ARPP21: variants seen among roughly 807,000 people sequenced by gnomAD.
The protein encoded by ARPP21 is cAMP regulated phosphoprotein 21, also known as cAMP-regulated phosphoprotein 21.
A neutral mutation model predicts 113.2 loss-of-function variants in ARPP21; 69 were observed. The ratio of observed to expected loss-of-function variants is 0.61; its 90% confidence interval spans 0.50 to 0.74. ARPP21 has a LOEUF of 0.74. Among genes scored for constraint, ARPP21 ranks in the 30% least tolerant of loss-of-function variants. The pLI is 0.00. For synonymous variants in ARPP21, 368 were observed against 375.5 expected (o/e 0.98, Z 0.23); for missense variants, 1,070 against 1,037.4 (o/e 1.03, Z -0.43).
rs1262199513 is a variant in ARPP21 at position 35,667,891 on chromosome 3, G to GAAGAAGAAGAAGAAGAA, written c.-212-11896_-212-11895insAAGAAGAAGAAGAAGAA. Among the ~76,000 whole-genome samples, 277 of 71,220 alleles carry GAAGAAGAAGAAGAAGAA rather than the reference G, an allele frequency of 3.9e-3. 3 individuals are homozygous for GAAGAAGAAGAAGAAGAA. Among genetic ancestry groups the GAAGAAGAAGAAGAAGAA allele is most frequent in the Middle Eastern group, 0.014 (2 of 148 alleles). 46.7% of individuals were successfully genotyped at this position (71,220 alleles called of 152,430 possible). The stretch of plus-strand genomic sequence containing the variant: ...AAGAAGAAGAAGAAGAAGAAGAAGA[G>GAAGAAGAAGAAGAAGAA]GAAGAGGAAGAGGAAGAGGAAGGAG... On this transcript the variant is annotated intron_variant, in intron 1 of 20. Coordinates refer to ENST00000684406, the MANE Select transcript of ARPP21 (RefSeq NM_001385562.1).
In ARPP21 at chr3:35,737,158, A is replaced by G; in HGVS notation, c.1460-20A>G. ...AGAGATTGAGAAGCTTACCTGGACT[A>G]AGTTCTGATTCCATTGCAGGCCAGC... is the stretch of plus-strand genomic sequence containing the variant. On this transcript the variant is annotated intron_variant, in intron 15 of 20. Transcript: ENST00000684406. 3.3e-6 allele frequency: 5 copies of G among 1,511,346 alleles called. No individual in the cohort carries two copies. Among genetic ancestry groups the G allele is most frequent in the Non-Finnish European group, 4.6e-6 (5 of 1,093,126 alleles). The allele number at this position is 1,511,346 out of a possible 1,614,324, so 93.6% of individuals were successfully genotyped here. A position where few individuals can be genotyped will look rare whatever the true frequency, so the allele number is the denominator to read the frequency against.
intron 19 of ARPP21, among the ~76,000 whole-genome samples, chr3:35,770,884 A>C (rs1412582277): frequency 6.6e-6 from 1 of 152,188 alleles, no homozygotes; most frequent in Non-Finnish European, 1.5e-5. Context: ...TTGGTGCAAC[A>C]AATAGAATGA....
chr3:35,754,763 C>T (rs188053461), intron 19 of ARPP21, among the ~76,000 whole-genome samples: 46 of 151,994 alleles, frequency 3.0e-4, no homozygotes, highest in African/African-American at 1.1e-3. Flanking sequence ...GCAGTAATTG[C>T]TTTAGCACTT....
chr3:35,725,443 T>C (rs2093453437), intron 14 of ARPP21, among the ~76,000 whole-genome samples: 1 of 152,190 alleles, frequency 6.6e-6, no homozygotes, highest in South Asian at 2.1e-4. Flanking sequence ...TTCCTTACCA[T>C]TGCTCACCAT....
chr3:35,739,808 G>A lies in ARPP21; in HGVS notation c.2010+231G>A, dbSNP rs142820619. 5.2e-3 allele frequency among the ~76,000 whole-genome samples: 797 copies of A among 152,230 alleles called. 6 individuals carry two copies. The highest frequency in any genetic ancestry group is 7.1e-3 in the Non-Finnish European group (480 of 68,004). ...ATCCAACTGCCCATGAAAACAACAG[G>A]GGAATATCCCATTTTCCAGGCTGCT... On this transcript the variant is annotated intron_variant, in intron 18 of 20. Transcript: ENST00000684406.
At position 35,779,744 on chromosome 3, in the gene ARPP21, A is replaced by T. The variant is rs541170800; in HGVS notation, c.2138-12638A>T. Among the ~76,000 whole-genome samples the T allele has an allele frequency of 2.4e-4, 36 of 152,312 alleles. 1 individual carries two copies. The highest frequency in any genetic ancestry group is 8.2e-4 in the African/African-American group (34 of 41,568). On this transcript the variant is annotated intron_variant, in intron 19 of 20. Transcript: ENST00000684406. The stretch of plus-strand genomic sequence containing the variant: ...AACTCACATTTACAACCTAAAAAAC[A>T]TCAGGCTATAAGAATCTCATCTTGT...
At chr3:35,710,456 T>A (rs2090702463) in intron 11 of ARPP21, among the ~76,000 whole-genome samples, 1 of 151,982 alleles carries the variant, frequency 6.6e-6, no homozygotes, top group Non-Finnish European at 1.5e-5. Flanking sequence ...TCTGAAGACC[T>A]TCATAGAGCT....
intron 11 of ARPP21, among the ~76,000 whole-genome samples, chr3:35,713,844 A>G (rs934010093): frequency 1.3e-5 from 2 of 152,192 alleles, no homozygotes; most frequent in African/African-American, 2.4e-5. Flanking sequence ...AATAATTCCA[A>G]TATCCAGACA....
At chr3:35,758,632 C>A (rs2095656368) in intron 19 of ARPP21, among the ~76,000 whole-genome samples, 1 of 151,942 alleles carries the variant, frequency 6.6e-6, no homozygotes, top group Admixed American at 6.6e-5. Context: ...TCCCCAGCAC[C>A]CTTCAGCCCT....
intron 14 of ARPP21, among the ~76,000 whole-genome samples, chr3:35,726,630 G>C (rs183215920): frequency 6.6e-6 from 1 of 152,162 alleles, no homozygotes; most frequent in East Asian, 1.9e-4. Context: ...TTGTAAATCA[G>C]TGATTAATGG....
chr3:35,690,955 G>GGT lies in ARPP21; in HGVS notation c.637_638insTG (p.Asp213ValfsTer27). ...CTTATTTTGGATTGGATCACAATGT[G>GGT]GATCAAACAGGAAAATCTGTTATCA... On this transcript the variant is annotated frameshift_variant, in exon 9 of 21. Transcript: ENST00000684406. LOFTEE classifies it high-confidence loss of function. 1 of 1,610,494 alleles carries GGT rather than the reference G, an allele frequency of 6.2e-7. No individual in the cohort carries two copies. The highest frequency in any genetic ancestry group is 8.5e-7 in the Non-Finnish European group (1 of 1,177,796).
At chr3:35,666,559 T>C (rs1308482984) in intron 1 of ARPP21, among the ~76,000 whole-genome samples, 1 of 152,142 alleles carries the variant, frequency 6.6e-6, no homozygotes, top group African/African-American at 2.4e-5. Context: ...AGGTGTAGGG[T>C]TTTTATTTTA....
chr3:35,722,435 A>G (rs1358002126), intron 14 of ARPP21, among the ~76,000 whole-genome samples: 1 of 152,236 alleles, frequency 6.6e-6, no homozygotes, highest in Non-Finnish European at 1.5e-5. Context: ...TAGAAATATT[A>G]TGAAGACTGA....
chr3:35,762,136 A>T (rs1279089858), intron 19 of ARPP21, among the ~76,000 whole-genome samples: 55 of 147,492 alleles, frequency 3.7e-4, no homozygotes, highest in Admixed American at 8.0e-4. Context: ...TCACACACAC[A>T]CACACACACA....
chr3:35,776,685 A>G (rs981707727), intron 19 of ARPP21, among the ~76,000 whole-genome samples: 4 of 152,186 alleles, frequency 2.6e-5, no homozygotes, highest in African/African-American at 7.2e-5. Context: ...TATTCCTTAT[A>G]TGAGGACAAG....
chr3:35,779,266 C>T (rs1213181769), intron 19 of ARPP21, among the ~76,000 whole-genome samples: 1 of 152,088 alleles, frequency 6.6e-6, no homozygotes, highest in Non-Finnish European at 1.5e-5. Context: ...GGCTTTTTCT[C>T]CCAATTATGA....
intron 14 of ARPP21, among the ~76,000 whole-genome samples, chr3:35,723,061 T>C (rs1425819356): frequency 6.6e-6 from 1 of 152,152 alleles, no homozygotes; most frequent in East Asian, 1.9e-4. Flanking sequence ...TTCTGTTGTA[T>C]GCTCTGGGTG....
intron 17 of ARPP21, 92 bp from the exon 18 acceptor site, chr3:35,739,225 C>A: frequency 1.4e-6 from 2 of 1,444,754 alleles, no homozygotes; most frequent in African/African-American, 1.4e-5. Flanking sequence ...TCTCCCACAA[C>A]TCCAAGAATG....
At chr3:35,661,032 AC>A (rs1707544021) in intron 1 of ARPP21, among the ~76,000 whole-genome samples, 1 of 152,172 alleles carries the variant, frequency 6.6e-6, no homozygotes, top group Non-Finnish European at 1.5e-5. Flanking sequence ...TTTGCATCTC[AC>A]AATTTTTAGC....
Sources: gnomAD v4.1 joint callset for allele counts (sites outside exome capture counted in the v4.1 genomes callset) on GRCh38, gnomAD v4.1.1 for gene constraint, MANE v1.5 for transcripts, NCBI Gene and HGNC (gene_info 2026-07-23, HGNC 2026-07-21) for gene names.